CPSF4L: variants seen among roughly 807,000 people sequenced by gnomAD.
The protein encoded by CPSF4L is cleavage and polyadenylation specific factor 4 like.
Under a neutral mutation model 24.0 loss-of-function variants are expected in CPSF4L, and 18 were observed. The ratio of observed to expected loss-of-function variants is 0.75; its 90% CI spans 0.52 to 1.11. CPSF4L has a LOEUF of 1.11. Among genes scored for constraint, CPSF4L ranks in the 50% least tolerant of loss-of-function variants. The pLI, the probability that CPSF4L is intolerant of heterozygous loss-of-function variation, is 0.00. For missense variants in CPSF4L, 211 were observed against 221.8 expected (o/e 0.95, Z 0.31); for synonymous variants, 72 against 77.2 (o/e 0.93, Z 0.35).
intron 2 of CPSF4L, among the ~76,000 whole-genome samples, chr17:73,259,744 G>A (rs1326921080): frequency 2.6e-5 from 4 of 152,192 alleles, no homozygotes; most frequent in African/African-American, 9.7e-5. Flanking sequence ...GACAAACAAG[G>A]CAGGTGGGCG....
chr17:73,257,786 A>G lies in CPSF4L; in HGVS notation c.202T>C (p.Cys68Arg), dbSNP rs1191601577. Residue 68 changes from cysteine to arginine, a missense_variant, in exon 3 of 6, where the codon TGC becomes CGC. Transcript: ENST00000344935. Reference protein sequence around the residue: ...RHDRGEKMVVCKHWLRGLCKK... With the variant: ...RHDRGEKMVVRKHWLRGLCKK... ...CAGAGCCCCCGGAGCCAGTGCTTGC[A>G]TACCACCATCTTCTCCCCTCGGTCA... 2.6e-6 allele frequency: 4 copies of G among 1,551,612 alleles called. No homozygotes were observed. The East Asian group carries it at 7.3e-5, about 28-fold the overall frequency.
the CPSF4L span, chr17:73,243,077 A>ATTTTTTT: frequency 4.6e-6 from 2 of 438,582 alleles, no homozygotes; most frequent in Non-Finnish European, 3.7e-6. Flanking sequence ...GATTCTCTGA[A>ATTTTTTT]TTTTTTTTTT....
At chr17:73,245,304 G>T (rs1163893112), downstream of CPSF4L, 21 of 1,435,934 alleles carry the variant, frequency 1.5e-5, no homozygotes, top group Non-Finnish European at 1.9e-5. Context: ...AGGGAGAGGG[G>T]AGTGAAAAAA....
chr17:73,246,654 C>T (rs1180413276), downstream of CPSF4L, among the ~76,000 whole-genome samples: 1 of 152,168 alleles, frequency 6.6e-6, no homozygotes, highest in African/African-American at 2.4e-5. Context: ...TTTTCTATTC[C>T]CAATCCCCTG....
chr17:73,255,488 C>G (rs1358246107), intron 3 of CPSF4L, among the ~76,000 whole-genome samples: 1 of 137,664 alleles, frequency 7.3e-6, no homozygotes, highest in Non-Finnish European at 1.5e-5. Flanking sequence ...GCCTGGGCAA[C>G]AGTGCGAGAC....
upstream of CPSF4L, among the ~76,000 whole-genome samples, chr17:73,263,113 C>A (rs542958689): frequency 6.6e-6 from 1 of 152,290 alleles, no homozygotes; most frequent in Non-Finnish European, 1.5e-5. Context: ...GGGGTAGAAA[C>A]CCTGGCTTCT....
chr17:73,251,179 C>T (rs1239829859), intron 5 of CPSF4L: 18 of 1,390,598 alleles, frequency 1.3e-5, no homozygotes, highest in East Asian at 8.0e-5. Flanking sequence ...CACAGAGGGC[C>T]GGGACGCTGG....
At chr17:73,260,743 G>A (rs2062041937) in intron 2 of CPSF4L, among the ~76,000 whole-genome samples, 190 bp downstream of exon 2, 1 of 152,034 alleles carries the variant, frequency 6.6e-6, no homozygotes, top group Non-Finnish European at 1.5e-5. Flanking sequence ...CTCTAGCCTG[G>A]GCAACAGAGC....
chr17:73,253,783 C>T, intron 4 of CPSF4L, 148 bp downstream of exon 4: 2 of 578,388 alleles, frequency 3.5e-6, no homozygotes, highest in Non-Finnish European at 3.1e-6. Flanking sequence ...TTGTGTGTCA[C>T]AGCAGAGCTG....
At chr17:73,244,583 A>AAC (rs2061914965), downstream of CPSF4L, 7 of 145,744 alleles carry the variant, frequency 4.8e-5, no homozygotes, top group Admixed American at 4.1e-4. Flanking sequence ...AAAAAAAAAA[A>AAC]CCACCAGTAT....
chr17:73,247,341 G>T (rs763732413), downstream of CPSF4L: 3 of 1,614,108 alleles, frequency 1.9e-6, no homozygotes, highest in Non-Finnish European at 2.5e-6. Context: ...GTTTGGATTA[G>T]GAAGCACGTT....
At chr17:73,259,754 G>A (rs894934522) in intron 2 of CPSF4L, among the ~76,000 whole-genome samples, 15 of 152,286 alleles carry the variant, frequency 9.8e-5, no homozygotes, top group Middle Eastern at 3.4e-3. Flanking sequence ...GCAGGTGGGC[G>A]AACATGGCCC....
chr17:73,249,208 T>C (rs1332486753), intron 5 of CPSF4L, among the ~76,000 whole-genome samples: 1 of 152,210 alleles, frequency 6.6e-6, no homozygotes, highest in Non-Finnish European at 1.5e-5. Flanking sequence ...CATCATACTA[T>C]ATATAAATTC....
the CPSF4L span, chr17:73,242,131 C>G: frequency 3.4e-6 from 2 of 588,854 alleles, no homozygotes; most frequent in South Asian, 2.7e-5. Flanking sequence ...TTTAATGCAC[C>G]TGTTTAGAAT....
intron 4 of CPSF4L, 126 bp from the exon 5 acceptor site, chr17:73,252,849 C>T (rs2062011018): frequency 1.6e-6 from 1 of 615,914 alleles, no homozygotes; most frequent in Non-Finnish European, 2.9e-6. Flanking sequence ...GTGGATAAAT[C>T]TTCCCATCCT....
At chr17:73,243,818 C>T (rs188459549), downstream of CPSF4L, among the ~76,000 whole-genome samples, 4 of 152,320 alleles carry the variant, frequency 2.6e-5, no homozygotes, top group Admixed American at 1.3e-4. Flanking sequence ...CAGGCATGAG[C>T]CACCGCACTC....
chr17:73,262,121 C>G, upstream of CPSF4L: 1 of 328,956 alleles, frequency 3.0e-6, no homozygotes, highest in Non-Finnish European at 5.7e-6. Flanking sequence ...CTTATCTTTG[C>G]ATGTTACCGA....
chr17:73,247,170 A>G (rs1217942458), downstream of CPSF4L: 9 of 1,384,272 alleles, frequency 6.5e-6, no homozygotes, highest in Non-Finnish European at 9.2e-6. Flanking sequence ...CAACAACAGC[A>G]AAGTCGAGTA....
intron 3 of CPSF4L, among the ~76,000 whole-genome samples, chr17:73,255,037 A>G (rs539386312): frequency 2.0e-5 from 3 of 152,350 alleles, no homozygotes; most frequent in Admixed American, 6.5e-5. Flanking sequence ...ACTTCATTCA[A>G]GTTGAGAACT....
Sources: allele counts gnomAD v4.1 joint callset (sites outside exome capture counted in the v4.1 genomes callset), GRCh38; gene constraint gnomAD v4.1.1; transcripts MANE v1.5; gene names NCBI Gene and HGNC (gene_info 2026-07-23, HGNC 2026-07-21).